GPR173: variants seen among roughly 807,000 people sequenced by gnomAD.
GPR173 encodes the protein G protein-coupled receptor 173, also known as probable G protein-coupled receptor 173.
GPR173 carries 2 observed loss-of-function variants against 13.9 expected under a neutral mutation model. The observed-to-expected ratio is 0.14, with a 90% CI of 0.06 to 0.45. The LOEUF (loss-of-function observed/expected upper bound fraction) is 0.45. GPR173 is among the 20% of genes least tolerant of loss of function. The probability of loss-of-function intolerance (pLI) is 0.98; values close to 1 mark genes in which losing one functional copy is unlikely to be tolerated. For missense variants in GPR173, 202 were observed against 340.5 expected, an observed-to-expected ratio of 0.59 and a Z score of 3.20; for synonymous variants, 131 against 141.0, an observed-to-expected ratio of 0.93 and a Z score of 0.50.
Position 53,078,014 on chromosome X carries a change from C to CTG in GPR173, c.*272_*273insGT. Reference sequence around the variant, plus strand: ...ACAATCTCATTCTCTCTCTCTCTCTCTCTGTCTCTCTCTCTCTCTCTCTCT... The same window carrying CTG: ...ACAATCTCATTCTCTCTCTCTCTCTCTGTCTGTCTCTCTCTCTCTCTCTCTCT... On this transcript the variant is annotated 3_prime_UTR_variant, in exon 2 of 2. Transcript: ENST00000332582. 5 of 312,063 alleles carry CTG rather than the reference C, an allele frequency of 1.6e-5. No individual in the cohort carries two copies. The highest frequency in any genetic ancestry group is 2.8e-5 in the Non-Finnish European group (5 of 180,563). 25.7% of individuals were successfully genotyped at this position (312,063 alleles called of 1,213,427 possible).
intron 1 of GPR173, among the ~76,000 whole-genome samples, chrX:53,058,538 G>A (rs1447890760): frequency 7.2e-5 from 8 of 111,009 alleles, no homozygotes; most frequent in Admixed American, 5.8e-4. Flanking sequence ...GTATGATTGA[G>A]TCTGCATTGC....
chrX:53,073,828 G>T (rs1410677007), intron 1 of GPR173, among the ~76,000 whole-genome samples: 5 of 52,852 alleles, frequency 9.5e-5, no homozygotes, highest in African/African-American at 1.4e-4. Flanking sequence ...ATATAAAAAA[G>T]TTTGTATATA....
intron 1 of GPR173, among the ~76,000 whole-genome samples, chrX:53,060,369 C>T (rs1556803655): frequency 9.1e-6 from 1 of 109,998 alleles, no homozygotes; most frequent in South Asian, 3.9e-4. Context: ...CACCTGAGGC[C>T]AGGAGTTCGA....
At chrX:53,067,110 A>G (rs1460544235) in intron 1 of GPR173, among the ~76,000 whole-genome samples, 1 of 112,055 alleles carries the variant, frequency 8.9e-6, no homozygotes, top group Non-Finnish European at 1.9e-5. Context: ...AAACTATGCA[A>G]TGTCAACACC....
intron 1 of GPR173, among the ~76,000 whole-genome samples, chrX:53,068,633 T>G (rs1932216990): frequency 9.2e-6 from 1 of 108,612 alleles, no homozygotes; most frequent in Non-Finnish European, 1.9e-5. Flanking sequence ...CCTTAAAAAA[T>G]TAGCCAGGCA....
At chrX:53,060,025 T>TACACACACAC (rs782269275) in intron 1 of GPR173, among the ~76,000 whole-genome samples, 3 of 82,336 alleles carry the variant, frequency 3.6e-5, no homozygotes, top group African/African-American at 2.3e-4. Flanking sequence ...TATATATATA[T>TACACACACAC]ATATATACAC....
At chrX:53,073,992 T>C (rs1390415351) in intron 1 of GPR173, among the ~76,000 whole-genome samples, 1 of 21,956 alleles carries the variant, frequency 4.6e-5, no homozygotes, top group Non-Finnish European at 6.2e-5. Context: ...TATATAAATA[T>C]ACATAAATAT....
intron 1 of GPR173, among the ~76,000 whole-genome samples, chrX:53,075,439 T>TG (rs1179699961): frequency 9.7e-6 from 1 of 103,404 alleles, no homozygotes; most frequent in African/African-American, 3.6e-5. Context: ...GTCTCTTCTT[T>TG]GTTATCTAGA....
At chrX:53,057,575 T>TAAA (rs782524658) in intron 1 of GPR173, among the ~76,000 whole-genome samples, 1 of 89,638 alleles carries the variant, frequency 1.1e-5, no homozygotes, top group African/African-American at 4.1e-5. Flanking sequence ...CCATCTCTAC[T>TAAA]AAAAAAAAAA....
rs1556806203 is a variant in GPR173 at position 53,078,305 on chromosome X, G to A, written c.*562G>A. 1 of 123,916 alleles carries A rather than the reference G, an allele frequency of 8.1e-6. No homozygotes were observed. Among genetic ancestry groups the A allele is most frequent in the African/African-American group, 3.3e-5 (1 of 30,444 alleles). 10.2% of individuals were successfully genotyped at this position (123,916 alleles called of 1,213,427 possible). A position where few individuals can be genotyped will look rare whatever the true frequency, so the allele number is the denominator to read the frequency against. ...CTGCTGACAAGAGGGACCAAAGGGG[G>A]TGCTGGGTTCCCAGGGAGCAGGGAT... On this transcript the variant is annotated 3_prime_UTR_variant, in exon 2 of 2. Coordinates refer to ENST00000332582, the MANE Select transcript of GPR173 (RefSeq NM_018969.6).
chrX:53,077,998 TTCTCTCTCTCTCTCTCTCTG>T lies in GPR173; in HGVS notation c.*275_*294del, dbSNP rs1401302244. On this transcript the variant is annotated 3_prime_UTR_variant, in exon 2 of 2. Transcript: ENST00000332582. ...CTCCTTCTCCACTTCTACAATCTCA[TTCTCTCTCTCTCTCTCTCTG>T]TCTCTCTCTCTCTCTCTCTCTCTCT... is the stretch of plus-strand genomic sequence containing the variant. The T allele has an allele frequency of 1.7e-5, 5 of 298,165 alleles. No homozygotes were observed. Among genetic ancestry groups the T allele is most frequent in the Middle Eastern group, 9.0e-4 (1 of 1,111 alleles). 24.6% of individuals were successfully genotyped at this position (298,165 alleles called of 1,213,427 possible).
intron 1 of GPR173, among the ~76,000 whole-genome samples, chrX:53,060,114 G>A (rs971591907): frequency 1.0e-4 from 11 of 107,775 alleles, no homozygotes; most frequent in African/African-American, 3.7e-4. Flanking sequence ...ACATTTCCCT[G>A]TAAACTCTCT....
Position 53,049,080 on chromosome X carries a change from G to T in GPR173, c.-502G>T, listed in dbSNP as rs1199937141. The T allele has an allele frequency of 2.8e-5, 3 of 105,418 alleles. No homozygotes were observed. The highest frequency in any genetic ancestry group is 1.0e-4 in the African/African-American group (3 of 29,416). 8.7% of individuals were successfully genotyped at this position (105,418 alleles called of 1,213,427 possible). A position where few individuals can be genotyped will look rare whatever the true frequency, so the allele number is the denominator to read the frequency against. ...CGGAGGGGGGGGGTGGGGGGTGGGG[G>T]GGGTAGGGGGACCGGCAGCCAGGCA... On this transcript the variant is annotated 5_prime_UTR_variant, in exon 1 of 2. Transcript: ENST00000332582.
At chrX:53,056,695 A>G (rs1932044381) in intron 1 of GPR173, among the ~76,000 whole-genome samples, 1 of 111,135 alleles carries the variant, frequency 9.0e-6, no homozygotes, top group Admixed American at 9.6e-5. Context: ...TGTGTGTTCA[A>G]TAATGTGGTT....
chrX:53,078,018 GTCTCTCTC>G lies in GPR173; in HGVS notation c.*296_*303del, dbSNP rs370688515. ...TCTCATTCTCTCTCTCTCTCTCTCT[GTCTCTCTC>G]TCTCTCTCTCTCTCTCTCTCAGAAG... On this transcript the variant is annotated 3_prime_UTR_variant, in exon 2 of 2. Transcript: ENST00000332582. 4.8e-4 allele frequency: 123 copies of G among 256,264 alleles called. No individual in the cohort carries two copies. Among genetic ancestry groups the G allele is most frequent in the African/African-American group, 2.2e-3 (70 of 32,213 alleles). The allele number at this position is 256,264 out of a possible 1,213,427, so 21.1% of individuals were successfully genotyped here. A position where few individuals can be genotyped will look rare whatever the true frequency, so the allele number is the denominator to read the frequency against.
rs782811431 is a variant in GPR173, at chrX:53,061,350, G to A, written c.-98+11866G>A. On this transcript the variant is annotated intron_variant, in intron 1 of 1. Coordinates refer to ENST00000332582, the MANE Select transcript of GPR173 (RefSeq NM_018969.6). ...GCCTAGCTGCTTCTGTGCAGTTAAC[G>A]GGGAATGTTTGTGTGTCTGTATATG... Among the ~76,000 whole-genome samples the A allele has an allele frequency of 2.7e-5, 3 of 111,710 alleles. No individual in the cohort carries two copies. In the South Asian group the frequency reaches 1.1e-3, roughly 42 times the overall value.
chrX:53,054,998 G>A (rs1556803088), intron 1 of GPR173, among the ~76,000 whole-genome samples: 2 of 109,801 alleles, frequency 1.8e-5, no homozygotes, highest in Non-Finnish European at 3.8e-5. Flanking sequence ...GGGTGAGGGT[G>A]GGGGTGTATA....
At chrX:53,061,251 A>G (rs781812727) in intron 1 of GPR173, among the ~76,000 whole-genome samples, 1 of 110,541 alleles carries the variant, frequency 9.0e-6, no homozygotes, top group African/African-American at 3.3e-5. Flanking sequence ...AAAGGCAGTT[A>G]TATAGTTATA....
rs73634275 is a variant in GPR173 at position 53,048,816 on chromosome X, C to T, written c.-766C>T. ...CCCCTCTTTCTGGCGTCCATCCCCT[C>T]CCCAACACCACCTCTGCTGCTGCCT... On this transcript the variant is annotated 5_prime_UTR_variant, in exon 1 of 2. Coordinates refer to ENST00000332582, the MANE Select transcript of GPR173 (RefSeq NM_018969.6). Among the ~76,000 whole-genome samples, 1,998 of 110,990 alleles carry T rather than the reference C, an allele frequency of 0.018. 25 individuals carry two copies. The highest frequency in any genetic ancestry group is 0.051 in the Admixed American group (535 of 10,570).
Sources: gnomAD v4.1 joint callset for allele counts (sites outside exome capture counted in the v4.1 genomes callset) on GRCh38, gnomAD v4.1.1 for gene constraint, MANE v1.5 for transcripts, NCBI Gene and HGNC (gene_info 2026-07-23, HGNC 2026-07-21) for gene names.